The following CNOT2 variants were observed in gnomAD, a reference collection of about 807,000 sequenced individuals.
CNOT2 encodes the protein CC chemokine receptor 4-negative regulator of transcription 2.
A neutral mutation model predicts 72.1 loss-of-function variants in CNOT2; 7 were observed. The observed-to-expected ratio is 0.10, with a 90% CI of 0.06 to 0.18. The LOEUF (loss-of-function observed/expected upper bound fraction) is 0.18, where lower values mean the gene tolerates loss of function less well. Among genes scored for constraint, CNOT2 ranks in the 10% least tolerant of loss-of-function variants. The pLI, the probability that CNOT2 is intolerant of heterozygous loss-of-function variation, is 1.00. For missense variants in CNOT2, 345 were observed against 660.3 expected (o/e 0.52, Z 5.23); for synonymous variants, 196 against 225.6 (o/e 0.87, Z 1.17).
intron 2 of CNOT2, chr12:70,297,748 T>C (rs1260401219): frequency 7.9e-6 from 3 of 379,456 alleles, no homozygotes; most frequent in South Asian, 3.7e-5. Flanking sequence ...TTTTTTGTTT[T>C]CATTTTTGAG....
chr12:70,250,789 T>G (rs1425002912), intron 1 of CNOT2, among the ~76,000 whole-genome samples: 1 of 152,040 alleles, frequency 6.6e-6, no homozygotes, highest in Non-Finnish European at 1.5e-5. Flanking sequence ...GATAAGAAAT[T>G]TCATAAACAA....
chr12:70,259,118 CTGGTAATTAACT>C (rs1467117868), intron 1 of CNOT2, among the ~76,000 whole-genome samples: 1 of 152,108 alleles, frequency 6.6e-6, no homozygotes, highest in Non-Finnish European at 1.5e-5. Flanking sequence ...TAGCATATAA[CTGGTAATTAACT>C]TCTTCAAGGT....
At chr12:70,245,046 G>A (rs911213990) in intron 1 of CNOT2, among the ~76,000 whole-genome samples, 1 of 152,182 alleles carries the variant, frequency 6.6e-6, no homozygotes, top group African/African-American at 2.4e-5. Flanking sequence ...CTTTCCAAAC[G>A]TCAATGAATA....
At position 70,338,827 on chromosome 12, in the gene CNOT2, GT is replaced by G. The variant is rs770366958; in HGVS notation, c.1178+11del. 21 of 1,610,056 alleles carry G rather than the reference GT, an allele frequency of 1.3e-5. No individual in the cohort carries two copies. The highest frequency in any genetic ancestry group is 1.8e-5 in the Non-Finnish European group (21 of 1,178,112). On this transcript the variant is annotated splice_donor_region_variant and intron_variant, in intron 11 of 15. Transcript: ENST00000229195. ...CCTCAATCTGAACTCTCCTGAGTAA[GT>G]TTTTTCTGTTTTTCCATGTCTGTAT...
intron 1 of CNOT2, among the ~76,000 whole-genome samples, chr12:70,249,195 TATA>T (rs1040840394): frequency 2.6e-5 from 4 of 151,984 alleles, no homozygotes; most frequent in African/African-American, 9.7e-5. Context: ...CATTGTAAAT[TATA>T]ATGCCTATCC....
chr12:70,319,060 C>G, intron 3 of CNOT2: 1 of 319,750 alleles, frequency 3.1e-6, no homozygotes, highest in East Asian at 4.9e-5. Flanking sequence ...GTTAGTGTGA[C>G]TTTTAGAAAA....
At chr12:70,323,024 G>A (rs1383423383) in intron 4 of CNOT2, 1 of 151,634 alleles carries the variant, frequency 6.6e-6, no homozygotes, top group African/African-American at 2.4e-5. Context: ...GTGCAGAATG[G>A]TGTAGACAGA....
rs1883273413 is a variant in CNOT2 at position 70,354,878 on chromosome 12, C to A, written c.*963C>A. 1 of 152,610 alleles carries A rather than the reference C, an allele frequency of 6.6e-6. No individual in the cohort carries two copies. Among genetic ancestry groups the A allele is most frequent in the Non-Finnish European group, 1.5e-5 (1 of 68,036 alleles). The allele number at this position is 152,610 out of a possible 1,614,324, so 9.5% of individuals were successfully genotyped here. On this transcript the variant is annotated 3_prime_UTR_variant, in exon 16 of 16. Coordinates refer to ENST00000229195, the MANE Select transcript of CNOT2 (RefSeq NM_014515.7). ...TTAAAAGAAGTGAACTGAGACAATT[C>A]ACTCTGGCTGTTTGAACAGCAGCGT...
At chr12:70,257,878 T>C (rs985315315) in intron 1 of CNOT2, among the ~76,000 whole-genome samples, 1 of 152,192 alleles carries the variant, frequency 6.6e-6, no homozygotes, top group Non-Finnish European at 1.5e-5. Context: ...GCTTTTAATA[T>C]TCAGTTGCTT....
chr12:70,337,617 T>C, intron 9 of CNOT2, 104 bp downstream of exon 9: 1 of 1,119,216 alleles, frequency 8.9e-7, no homozygotes, highest in South Asian at 1.4e-5. Context: ...CTGTTTTATC[T>C]TGATATCTGT....
intron 2 of CNOT2, 161 bp downstream of exon 2, chr12:70,278,435 A>G (rs1427676569): frequency 5.9e-6 from 3 of 505,026 alleles, no homozygotes; most frequent in Non-Finnish European, 1.0e-5. Context: ...TAGTTGAAAT[A>G]GTTGGGAACA....
At chr12:70,306,270 C>G (rs1279173512) in intron 2 of CNOT2, among the ~76,000 whole-genome samples, 1 of 152,156 alleles carries the variant, frequency 6.6e-6, no homozygotes, top group Non-Finnish European at 1.5e-5. Context: ...GTTCTCCCAC[C>G]TCAGCCTCCT....
chr12:70,330,650 T>A (rs1879789464), intron 6 of CNOT2, 181 bp downstream of exon 6: 1 of 458,232 alleles, frequency 2.2e-6, no homozygotes, highest in Non-Finnish European at 3.8e-6. Context: ...AAAATCAGGT[T>A]GATTTTGGAA....
intron 13 of CNOT2, 76 bp downstream of exon 13, chr12:70,342,383 T>C (rs1174606996): frequency 6.5e-7 from 1 of 1,536,248 alleles, no homozygotes; most frequent in African/African-American, 1.4e-5. Context: ...TCAGGCAGCA[T>C]ACTATTTTTG....
At chr12:70,333,102 C>G (rs1178084732) in intron 7 of CNOT2, among the ~76,000 whole-genome samples, 1 of 151,690 alleles carries the variant, frequency 6.6e-6, no homozygotes, top group Non-Finnish European at 1.5e-5. Context: ...CTGGAGAGAG[C>G]CTACACATTA....
At chr12:70,283,301 A>G (rs1870197337) in intron 2 of CNOT2, among the ~76,000 whole-genome samples, 1 of 152,122 alleles carries the variant, frequency 6.6e-6, no homozygotes. Context: ...ACACTTAATA[A>G]AATAAAATCA....
At chr12:70,273,181 C>T (rs1188436957) in intron 1 of CNOT2, among the ~76,000 whole-genome samples, 1 of 152,144 alleles carries the variant, frequency 6.6e-6, no homozygotes, top group Non-Finnish European at 1.5e-5. Flanking sequence ...GATGTCTGTA[C>T]TTTGTCTCCA....
intron 1 of CNOT2, among the ~76,000 whole-genome samples, chr12:70,262,304 C>T (rs955455521): frequency 3.9e-5 from 6 of 152,086 alleles, no homozygotes; most frequent in Non-Finnish European, 8.8e-5. Context: ...GACGGAGTCT[C>T]GCTCTGTCGC....
intron 2 of CNOT2, among the ~76,000 whole-genome samples, chr12:70,279,898 T>C (rs1869517545): frequency 6.6e-6 from 1 of 152,194 alleles, no homozygotes; most frequent in Admixed American, 6.5e-5. Flanking sequence ...GTCATATTAT[T>C]TACAAATAAT....
Sources: gnomAD v4.1 joint callset for allele counts (sites outside exome capture counted in the v4.1 genomes callset) on GRCh38, gnomAD v4.1.1 for gene constraint, MANE v1.5 for transcripts, NCBI Gene and HGNC (gene_info 2026-07-23, HGNC 2026-07-21) for gene names.